The following KCNMB2 variants were observed in gnomAD, a reference collection of about 807,000 sequenced individuals.
KCNMB2 encodes calcium-activated potassium channel subunit beta-2.
In KCNMB2, 9 loss-of-function variants were observed where a neutral mutation model predicts 24.5. The ratio of observed to expected loss-of-function variants is 0.37; its 90% CI spans 0.22 to 0.64. The LOEUF (loss-of-function observed/expected upper bound fraction) is 0.64, where lower values mean the gene tolerates loss of function less well. Ranked by LOEUF, KCNMB2 falls within the 30% of genes least tolerant of loss-of-function variation. The pLI is 0.63. For missense variants in KCNMB2, 226 were observed against 284.3 expected (o/e 0.79, Z 1.47); for synonymous variants, 109 against 104.4 (o/e 1.04, Z -0.27).
intron 1 of KCNMB2, among the ~76,000 whole-genome samples, chr3:178,744,217 T>C (rs1723587497): frequency 6.6e-6 from 1 of 152,244 alleles, no homozygotes; most frequent in Non-Finnish European, 1.5e-5. Context: ...TTCTGCCTGA[T>C]AAATTGTTGA....
intron 1 of KCNMB2, among the ~76,000 whole-genome samples, chr3:178,641,628 T>TC (rs1172947572): frequency 5.9e-5 from 9 of 152,008 alleles, no homozygotes; most frequent in African/African-American, 2.2e-4. Flanking sequence ...AGCTTTTTTT[T>TC]CTTTTTCCCC....
In KCNMB2 at chr3:178,547,743, T is replaced by C. The variant is rs2108451662; in HGVS notation, c.-68+11032T>C. Among the ~76,000 whole-genome samples, 2 of 152,320 alleles carry C rather than the reference T, an allele frequency of 1.3e-5. 1 individual carries two copies. The highest frequency in any genetic ancestry group is 6.8e-3 in the Middle Eastern group (2 of 294). ...CTTTTTTCAGTAATTGGAAATATCA[T>C]CTATCCACACTTAAAACCGAAGCCA... On this transcript the variant is annotated intron_variant, in intron 1 of 4. Transcript: ENST00000452583.
At chr3:178,840,102 AT>A (rs1715373939) in intron 4 of KCNMB2, among the ~76,000 whole-genome samples, 1 of 151,644 alleles carries the variant, frequency 6.6e-6, no homozygotes, top group Admixed American at 6.6e-5. Context: ...CCCATTCCAA[AT>A]GGGAGAAATT....
intron 1 of KCNMB2, among the ~76,000 whole-genome samples, chr3:178,730,743 T>A (rs531408640): frequency 3.3e-5 from 5 of 152,100 alleles, no homozygotes; most frequent in Non-Finnish European, 7.4e-5. Flanking sequence ...TTAAATAAGC[T>A]CAGCTAATGC....
chr3:178,601,200 TG>T (rs201048374), intron 1 of KCNMB2, among the ~76,000 whole-genome samples: 93 of 48,848 alleles, frequency 1.9e-3, no homozygotes, highest in African/African-American at 7.3e-3. Flanking sequence ...GTCAGGGGGT[TG>T]GGGGGGAAGG....
intron 1 of KCNMB2, among the ~76,000 whole-genome samples, chr3:178,579,380 G>A (rs946814803): frequency 6.6e-6 from 1 of 152,056 alleles, no homozygotes; most frequent in African/African-American, 2.4e-5. Flanking sequence ...GTGTTTAGAG[G>A]GAAATTTATA....
intron 1 of KCNMB2, among the ~76,000 whole-genome samples, chr3:178,750,731 A>T (rs1723817021): frequency 6.6e-6 from 1 of 152,224 alleles, no homozygotes; most frequent in Non-Finnish European, 1.5e-5. Flanking sequence ...CTTTTCAGAC[A>T]GTAGGAGCTT....
intron 1 of KCNMB2, among the ~76,000 whole-genome samples, chr3:178,542,519 G>C (rs1715653755): frequency 6.6e-6 from 1 of 152,082 alleles, no homozygotes; most frequent in East Asian, 1.9e-4. Flanking sequence ...ATTGCTCAAG[G>C]TCAAAGAGCT....
At chr3:178,748,611 A>T (rs1002377698) in intron 1 of KCNMB2, 1 of 152,210 alleles carries the variant, frequency 6.6e-6, no homozygotes, top group African/African-American at 2.4e-5. Context: ...TCTCTATAAC[A>T]AGATTAGATT....
intron 1 of KCNMB2, among the ~76,000 whole-genome samples, chr3:178,743,197 C>T (rs115850169): frequency 0.034 from 5,147 of 152,214 alleles, 112 homozygotes; most frequent in Non-Finnish European, 0.049. Context: ...CACATCCTCT[C>T]CCCAAAGTTT....
chr3:178,771,697 C>T (rs1712374129), intron 1 of KCNMB2, among the ~76,000 whole-genome samples: 1 of 151,962 alleles, frequency 6.6e-6, no homozygotes, highest in South Asian at 2.1e-4. Context: ...ACTCACTTTG[C>T]TTCTTTGCTG....
intron 1 of KCNMB2, among the ~76,000 whole-genome samples, chr3:178,568,614 G>A (rs191080030): frequency 6.6e-6 from 1 of 151,952 alleles, no homozygotes; most frequent in East Asian, 1.9e-4. Context: ...TAAGAGGAAT[G>A]GTAAAAGGAA....
intron 1 of KCNMB2, among the ~76,000 whole-genome samples, chr3:178,571,547 G>T (rs760946642): frequency 2.8e-5 from 4 of 144,926 alleles, no homozygotes; most frequent in Non-Finnish European, 6.0e-5. Flanking sequence ...TTAAGTTCTG[G>T]GATACATGTG....
intron 1 of KCNMB2, among the ~76,000 whole-genome samples, chr3:178,758,507 T>C (rs1233562448): frequency 1.1e-4 from 5 of 46,416 alleles, no homozygotes; most frequent in African/African-American, 5.5e-4. Flanking sequence ...TATATATATA[T>C]ATATCTCCAA....
At chr3:178,760,793 T>C (rs1056794377) in intron 1 of KCNMB2, among the ~76,000 whole-genome samples, 1 of 152,016 alleles carries the variant, frequency 6.6e-6, no homozygotes, top group African/African-American at 2.4e-5. Context: ...ATGTTTATAA[T>C]CAGTTTCTTC....
chr3:178,685,304 A>G (rs79361311), intron 1 of KCNMB2, among the ~76,000 whole-genome samples: 1,899 of 152,334 alleles, frequency 0.012, 34 homozygotes, highest in African/African-American at 0.044. Context: ...AGCTCCTGGA[A>G]TAGGCCATAA....
intron 4 of KCNMB2, among the ~76,000 whole-genome samples, chr3:178,834,798 T>A (rs1715165509): frequency 6.6e-6 from 1 of 152,034 alleles, no homozygotes; most frequent in South Asian, 2.1e-4. Context: ...ACTGACAAAG[T>A]TTAGTCACTC....
At chr3:178,682,347 T>C (rs1721299031) in intron 1 of KCNMB2, among the ~76,000 whole-genome samples, 1 of 152,076 alleles carries the variant, frequency 6.6e-6, no homozygotes, top group Admixed American at 6.6e-5. Context: ...ATCTCTTCCC[T>C]CCAACTGCTG....
intron 1 of KCNMB2, among the ~76,000 whole-genome samples, chr3:178,579,261 T>A (rs193208874): frequency 2.0e-5 from 3 of 152,184 alleles, no homozygotes; most frequent in African/African-American, 7.2e-5. Context: ...AACCTGCTCC[T>A]AAATGACTAT....
Sources: allele counts gnomAD v4.1 joint callset (sites outside exome capture counted in the v4.1 genomes callset), GRCh38; gene constraint gnomAD v4.1.1; transcripts MANE v1.5; gene names NCBI Gene and HGNC (gene_info 2026-07-23, HGNC 2026-07-21).